Variants in ITGBL1 observed in about 807,000 individuals in gnomAD.
The protein encoded by ITGBL1 is integrin subunit beta like 1, also known as integrin beta-like protein 1.
A neutral mutation model predicts 68.5 loss-of-function variants in ITGBL1; 51 were observed. That is an observed-to-expected ratio of 0.74 (90% confidence interval 0.59 to 0.94). ITGBL1 has a LOEUF of 0.94. Among genes scored for constraint, ITGBL1 ranks in the 40% least tolerant of loss-of-function variants. ITGBL1 has a pLI of 0.00. For missense variants in ITGBL1, 649 were observed against 647.4 expected (o/e 1.00, Z -0.03); for synonymous variants, 209 against 227.3 (o/e 0.92, Z 0.72).
intron 7 of ITGBL1, among the ~76,000 whole-genome samples, chr13:101,639,105 T>C (rs1390961539): frequency 1.3e-5 from 2 of 151,402 alleles, no homozygotes; most frequent in Non-Finnish European, 2.9e-5. Flanking sequence ...ATCTCATCTC[T>C]AGGAGCCCAC....
chr13:101,602,029 T>C (rs2030417095), intron 7 of ITGBL1, among the ~76,000 whole-genome samples: 1 of 152,070 alleles, frequency 6.6e-6, no homozygotes, highest in South Asian at 2.1e-4. Flanking sequence ...TCTTTATATA[T>C]ATCTTTTGCA....
intron 2 of ITGBL1, among the ~76,000 whole-genome samples, chr13:101,462,265 C>T (rs989948126): frequency 6.6e-6 from 1 of 152,128 alleles, no homozygotes; most frequent in Non-Finnish European, 1.5e-5. Context: ...TAGACTGAAC[C>T]CAGATAATCC....
intron 7 of ITGBL1, among the ~76,000 whole-genome samples, chr13:101,607,519 T>G (rs1027075193): frequency 1.3e-5 from 2 of 151,886 alleles, no homozygotes; most frequent in Admixed American, 1.3e-4. Flanking sequence ...GTTCTTTTAT[T>G]CAAGTTCTAA....
chr13:101,543,648 A>G (rs1293997418), intron 2 of ITGBL1, among the ~76,000 whole-genome samples: 2 of 152,114 alleles, frequency 1.3e-5, no homozygotes, highest in Non-Finnish European at 2.9e-5. Flanking sequence ...TATCCTGCAG[A>G]GTGTTTTCCA....
intron 8 of ITGBL1, among the ~76,000 whole-genome samples, chr13:101,704,434 A>G (rs2034206766): frequency 6.7e-6 from 1 of 149,656 alleles, no homozygotes; most frequent in African/African-American, 2.4e-5. Flanking sequence ...GAGATTAAAA[A>G]AGATGATTAA....
At chr13:101,605,934 G>A (rs1042311648) in intron 7 of ITGBL1, among the ~76,000 whole-genome samples, 53 of 147,584 alleles carry the variant, frequency 3.6e-4, no homozygotes, top group African/African-American at 1.2e-3. Flanking sequence ...ACATATGTAT[G>A]CGTGTATGTG....
chr13:101,526,659 A>ATGTGTGTGTGTGTGTGTGTG (rs35919129), intron 2 of ITGBL1, among the ~76,000 whole-genome samples: 4 of 149,304 alleles, frequency 2.7e-5, no homozygotes, highest in Non-Finnish European at 3.0e-5. Flanking sequence ...TTGAAGTTAT[A>ATGTGTGTGTGTGTGTGTGTG]TGTGTGTGTG....
intron 6 of ITGBL1, among the ~76,000 whole-genome samples, chr13:101,595,208 T>A (rs950751310): frequency 1.3e-5 from 2 of 152,152 alleles, no homozygotes; most frequent in Admixed American, 1.3e-4. Context: ...TGATCATGGC[T>A]GAAAGTGGAG....
chr13:101,577,230 C>A (rs896768851), intron 4 of ITGBL1, among the ~76,000 whole-genome samples: 1 of 152,174 alleles, frequency 6.6e-6, no homozygotes, highest in Non-Finnish European at 1.5e-5. Flanking sequence ...TTCCATGTGT[C>A]ATTCACATGA....
chr13:101,547,957 A>G (rs1021170638), intron 2 of ITGBL1, among the ~76,000 whole-genome samples: 1 of 151,460 alleles, frequency 6.6e-6, no homozygotes, highest in Non-Finnish European at 1.5e-5. Flanking sequence ...ATACACATAC[A>G]CACACACACA....
chr13:101,606,174 T>A (rs866756026), intron 7 of ITGBL1, among the ~76,000 whole-genome samples: 108 of 138,034 alleles, frequency 7.8e-4, no homozygotes, highest in African/African-American at 2.0e-3. Flanking sequence ...ATTAGGATTT[T>A]TATATATATA....
chr13:101,556,479 A>C (rs2050008283), intron 2 of ITGBL1, among the ~76,000 whole-genome samples: 1 of 152,160 alleles, frequency 6.6e-6, no homozygotes, highest in South Asian at 2.1e-4. Flanking sequence ...ACTACTAAAA[A>C]TACAAAATAG....
chr13:101,625,242 T>C (rs1439601568), intron 7 of ITGBL1, among the ~76,000 whole-genome samples: 2 of 152,214 alleles, frequency 1.3e-5, no homozygotes, highest in African/African-American at 4.8e-5. Context: ...ATTGACTTAG[T>C]AAACACTCTT....
At chr13:101,459,926 TG>T (rs1399491083) in intron 2 of ITGBL1, among the ~76,000 whole-genome samples, 2 of 152,158 alleles carry the variant, frequency 1.3e-5, no homozygotes, top group African/African-American at 4.8e-5. Context: ...GTAAGTAGTA[TG>T]GGAATTATAT....
intron 2 of ITGBL1, among the ~76,000 whole-genome samples, chr13:101,471,528 ATGTATGTGTGTGTGTG>A (rs1427637376): frequency 8.5e-6 from 1 of 117,124 alleles, no homozygotes; most frequent in African/African-American, 3.5e-5. Flanking sequence ...GTGTGTGTGT[ATGTATGTGTGTGTGTG>A]TGTGTGTGTG....
At position 101,467,499 on chromosome 13, in the gene ITGBL1, A is replaced by G. The variant is rs559760346; in HGVS notation, c.316+13399A>G. Among the ~76,000 whole-genome samples the G allele has an allele frequency of 1.1e-4, 17 of 152,294 alleles. No homozygotes were observed. In the South Asian group the frequency reaches 3.3e-3, roughly 30 times the overall value. ...ATAGAGAGCTGCATGGGGGTTGCAA[A>G]TCTCATTTTCTTTGGAAAAGGAGTG... On this transcript the variant is annotated intron_variant, in intron 2 of 10. Transcript: ENST00000376180.
chr13:101,707,757 G>A (rs1054212300), intron 9 of ITGBL1, among the ~76,000 whole-genome samples: 6 of 151,640 alleles, frequency 4.0e-5, no homozygotes, highest in African/African-American at 1.5e-4. Flanking sequence ...AGAGGCTGGG[G>A]CAGGGGAGGA....
chr13:101,521,490 T>C (rs781510063), intron 2 of ITGBL1, among the ~76,000 whole-genome samples: 1 of 152,160 alleles, frequency 6.6e-6, no homozygotes, highest in Non-Finnish European at 1.5e-5. Flanking sequence ...GACCTCACTT[T>C]TGTATCCAGG....
chr13:101,527,287 A>G (rs1423962844), intron 2 of ITGBL1, among the ~76,000 whole-genome samples: 1 of 152,084 alleles, frequency 6.6e-6, no homozygotes, highest in Non-Finnish European at 1.5e-5. Context: ...GCAACCACTG[A>G]GCTACTTTCT....
Sources: allele counts gnomAD v4.1 joint callset (sites outside exome capture counted in the v4.1 genomes callset), GRCh38; gene constraint gnomAD v4.1.1; transcripts MANE v1.5; gene names NCBI Gene and HGNC (gene_info 2026-07-23, HGNC 2026-07-21).